RBFOX1: variants seen among roughly 807,000 people sequenced by gnomAD.
RBFOX1 encodes RNA binding protein fox-1 homolog 1.
Under a neutral mutation model 57.7 loss-of-function variants are expected in RBFOX1, and 8 were observed. The ratio of observed to expected loss-of-function variants is 0.14; its 90% CI spans 0.08 to 0.25. The LOEUF is 0.25. Among genes scored for constraint, RBFOX1 ranks in the 10% least tolerant of loss-of-function variants. RBFOX1 has a pLI of 1.00. For missense variants in RBFOX1, 611 were observed against 548.5 expected (o/e 1.11, Z -1.14); for synonymous variants, 326 against 222.4 (o/e 1.47, Z -4.15).
At chr16:6,913,004 C>G (rs959518595) in intron 3 of RBFOX1, among the ~76,000 whole-genome samples, 14 of 152,034 alleles carry the variant, frequency 9.2e-5, no homozygotes, top group African/African-American at 3.1e-4. Flanking sequence ...GCTTTATATT[C>G]TACTTCCTAT....
At chr16:7,105,952 C>A (rs1032029074) in intron 4 of RBFOX1, among the ~76,000 whole-genome samples, 1 of 152,058 alleles carries the variant, frequency 6.6e-6, no homozygotes, top group Non-Finnish European at 1.5e-5. Context: ...TGTTCTTTGT[C>A]CAGTCTTTGT....
At chr16:6,200,595 A>C (rs2097208783) in intron 1 of RBFOX1, among the ~76,000 whole-genome samples, 1 of 152,232 alleles carries the variant, frequency 6.6e-6, no homozygotes, top group Admixed American at 6.5e-5. Context: ...AAGTTTCATC[A>C]GTGACACATT....
intron 4 of RBFOX1, among the ~76,000 whole-genome samples, chr16:7,098,279 C>G (rs1014563811): frequency 5.3e-5 from 8 of 152,196 alleles, no homozygotes; most frequent in Non-Finnish European, 5.9e-5. Flanking sequence ...AAGCCATTCT[C>G]CTCTCTCAGC....
intron 2 of RBFOX1, among the ~76,000 whole-genome samples, chr16:6,488,122 G>C (rs548262438): frequency 2.0e-5 from 3 of 152,214 alleles, no homozygotes; most frequent in Non-Finnish European, 2.9e-5. Context: ...GTTTTACAGA[G>C]AAGACCCCTA....
At chr16:7,200,491 G>T (rs1320703918) in intron 4 of RBFOX1, among the ~76,000 whole-genome samples, 1 of 152,212 alleles carries the variant, frequency 6.6e-6, no homozygotes, top group Admixed American at 6.5e-5. Flanking sequence ...TAGGCACTAA[G>T]GATGATGTTG....
At chr16:6,489,862 G>T (rs757983828) in intron 2 of RBFOX1, among the ~76,000 whole-genome samples, 2 of 152,190 alleles carry the variant, frequency 1.3e-5, no homozygotes, top group African/African-American at 4.8e-5. Context: ...GTACAGGAGG[G>T]CACAATTTGC....
intron 2 of RBFOX1, among the ~76,000 whole-genome samples, chr16:6,634,768 G>C (rs890767695): frequency 2.9e-4 from 24 of 82,480 alleles, no homozygotes; most frequent in African/African-American, 8.6e-4. Flanking sequence ...ACATATATTT[G>C]TACTAAATAT....
chr16:6,622,336 AT>A (rs1567924162), intron 2 of RBFOX1, among the ~76,000 whole-genome samples: 1 of 152,084 alleles, frequency 6.6e-6, no homozygotes, highest in African/African-American at 2.4e-5. Context: ...TATCTTTTAT[AT>A]TTTTATCGTA....
chr16:5,262,868 G>GAA (rs112825608), intron 1 of RBFOX1, among the ~76,000 whole-genome samples: 32 of 152,246 alleles, frequency 2.1e-4, no homozygotes, highest in African/African-American at 6.7e-4. Flanking sequence ...AATGTGAAAA[G>GAA]AAAAACACTC....
At chr16:6,910,561 T>A (rs1012044230) in intron 3 of RBFOX1, among the ~76,000 whole-genome samples, 2 of 152,136 alleles carry the variant, frequency 1.3e-5, no homozygotes, top group East Asian at 1.9e-4. Context: ...ACGGCCCCTA[T>A]TGGGGTAAAA....
At chr16:6,745,321 C>G (rs546318248) in intron 3 of RBFOX1, among the ~76,000 whole-genome samples, 2 of 151,926 alleles carry the variant, frequency 1.3e-5, no homozygotes, top group African/African-American at 4.8e-5. Context: ...ACTGTAATAC[C>G]AAAACCAGGA....
intron 3 of RBFOX1, among the ~76,000 whole-genome samples, chr16:5,781,050 A>G (rs1274565094): frequency 6.6e-6 from 1 of 152,204 alleles, no homozygotes; most frequent in Non-Finnish European, 1.5e-5. Context: ...TCATTCTGTT[A>G]AACTTGGGTT....
intron 3 of RBFOX1, among the ~76,000 whole-genome samples, chr16:7,013,036 T>A (rs545834461): frequency 6.6e-6 from 1 of 152,128 alleles, no homozygotes. Flanking sequence ...GCCCTCTCTT[T>A]CTCTCCTTTT....
At chr16:5,876,786 AC>A (rs2057623627) in intron 4 of RBFOX1, among the ~76,000 whole-genome samples, 1 of 152,194 alleles carries the variant, frequency 6.6e-6, no homozygotes, top group Non-Finnish European at 1.5e-5. Context: ...GACTCTGTGC[AC>A]CAAATTAGAC....
At chr16:7,117,010 A>T (rs981754871) in intron 4 of RBFOX1, among the ~76,000 whole-genome samples, 3 of 152,122 alleles carry the variant, frequency 2.0e-5, no homozygotes, top group Admixed American at 6.6e-5. Flanking sequence ...ACGTAGGCCA[A>T]GAAAGAGTTA....
intron 1 of RBFOX1, among the ~76,000 whole-genome samples, chr16:5,309,590 C>CT (rs2064029216): frequency 6.6e-6 from 1 of 152,094 alleles, no homozygotes. Flanking sequence ...GAAGTGTGGG[C>CT]TTTAAGTGTA....
chr16:7,109,268 C>T (rs956790411), intron 4 of RBFOX1, among the ~76,000 whole-genome samples: 3 of 152,124 alleles, frequency 2.0e-5, no homozygotes, highest in East Asian at 3.9e-4. Context: ...TGGATGCAAA[C>T]GTCTACAAAG....
chr16:6,915,143 C>A (rs1376482855), intron 3 of RBFOX1, among the ~76,000 whole-genome samples: 1 of 152,160 alleles, frequency 6.6e-6, no homozygotes, highest in Non-Finnish European at 1.5e-5. Flanking sequence ...GCCATGCTCT[C>A]CAGACTCGGG....
At chr16:6,524,443 C>A (rs1056228608) in intron 2 of RBFOX1, among the ~76,000 whole-genome samples, 1 of 152,102 alleles carries the variant, frequency 6.6e-6, no homozygotes, top group South Asian at 2.1e-4. Flanking sequence ...GCAGTGTTTA[C>A]CGTAGTTCTA....
Sources: allele counts gnomAD v4.1 joint callset (sites outside exome capture counted in the v4.1 genomes callset), GRCh38; gene constraint gnomAD v4.1.1; transcripts MANE v1.5; gene names NCBI Gene and HGNC (gene_info 2026-07-23, HGNC 2026-07-21).